Variants in POGZ observed in about 807,000 individuals in gnomAD.
The protein encoded by POGZ is pogo transposable element derived with ZNF domain, also known as pogo transposable element with ZNF domain.
A neutral mutation model predicts 134.6 loss-of-function variants in POGZ; 17 were observed. That is an observed-to-expected ratio of 0.13 (90% CI 0.09 to 0.19). The LOEUF is 0.19. Among genes scored for constraint, POGZ ranks in the 10% least tolerant of loss-of-function variants. The pLI is 1.00. For missense variants in POGZ, 1,306 were observed against 1,769.7 expected (o/e 0.74, Z 4.70); for synonymous variants, 693 against 657.1 (o/e 1.05, Z -0.84).
rs59753677 is a variant in POGZ at position 151,417,688 on chromosome 1, C to CCACACACACA, written c.1679-5302_1679-5293dup. Among the ~76,000 whole-genome samples the CCACACACACA allele has an allele frequency of 8.5e-4, 117 of 137,560 alleles. 1 individual carries two copies. Among genetic ancestry groups the CCACACACACA allele is most frequent in the African/African-American group, 2.5e-3 (92 of 36,602 alleles). The allele number at this position is 137,560 out of a possible 152,430, so 90.2% of individuals were successfully genotyped here. ...TTAGATCTTAACAAAGGTACTGTGG[C>CCACACACACA]CACACACACACACACACACACACAC... On this transcript the variant is annotated intron_variant, in intron 10 of 18. Transcript: ENST00000271715.
intron 3 of POGZ, among the ~76,000 whole-genome samples, chr1:151,436,507 G>C (rs180755496): frequency 2.2e-4 from 33 of 151,770 alleles, no homozygotes; most frequent in Admixed American, 1.9e-3. Context: ...GCAGTGGTGC[G>C]ATCTCAGCTC....
At chr1:151,408,629 C>A (rs1654093105) in intron 13 of POGZ, 48 bp from the exon 14 acceptor site, 1 of 1,604,076 alleles carries the variant, frequency 6.2e-7, no homozygotes, top group African/African-American at 1.3e-5. Flanking sequence ...CACTAAATTT[C>A]AGAATACTGA....
At position 151,427,861 on chromosome 1, in the gene POGZ, C is replaced by A. The variant is rs1238268297; in HGVS notation, c.1040G>T (p.Gly347Val). ...VVVSNNSSAH[G>V]SQRTSGPESS... is the part of the protein sequence containing the mutation. ...CTCAGGTCCGCTGGTTCTTTGAGAG[C>A]CATGAGCAGAGCTGTTGTTGGACAC... The change falls in exon 7 of 19, where the codon GGC (glycine) becomes GTC (valine). Residue 347 changes from glycine (G) to valine (V), a missense_variant. Gly to Val is a moderately radical substitution (Grantham distance 109). Transcript: ENST00000271715. 1.2e-6 allele frequency: 2 copies of A among 1,613,950 alleles called. No homozygotes were observed. The highest frequency in any genetic ancestry group is 1.7e-5 in the Admixed American group (1 of 60,006).
At chr1:151,408,664 G>T in intron 13 of POGZ, 30 bp downstream of exon 13, 1 of 1,610,142 alleles carries the variant, frequency 6.2e-7, no homozygotes, top group Non-Finnish European at 8.5e-7. Context: ...CCCTCCCTGG[G>T]CCTATAAAAG....
intron 1 of POGZ, among the ~76,000 whole-genome samples, chr1:151,453,293 T>C (rs143261270): frequency 6.6e-6 from 1 of 152,074 alleles, no homozygotes; most frequent in South Asian, 2.1e-4. Flanking sequence ...TGGAACTACC[T>C]ACTCATATCT....
chr1:151,419,172 G>A (rs556803499), intron 10 of POGZ, among the ~76,000 whole-genome samples: 5 of 151,876 alleles, frequency 3.3e-5, no homozygotes, highest in South Asian at 2.1e-4. Context: ...TGAACGACAC[G>A]GCGAAACCCC....
rs142133690 is a variant in POGZ, at chr1:151,408,165, G to C, written c.2310C>G (p.Tyr770Ter). ...TATAGCGACACAGAGAGCAGTGTAC[G>C]TAAGTAGGGAAATGATTAGGGAAGT... Reference protein sequence around the residue: ...IPDFPNHFPTYVHCSLCRYST... With the variant: ...IPDFPNHFPT The change falls in exon 15 of 19, where the codon TAC becomes TAG. Residue 770 changes from tyrosine to a stop codon, truncating the protein, a stop_gained. Transcript: ENST00000271715. LOFTEE classifies it high-confidence loss of function. The C allele has an allele frequency of 6.2e-7, 1 of 1,613,334 alleles. No individual in the cohort carries two copies. Among genetic ancestry groups the C allele is most frequent in the Non-Finnish European group, 8.5e-7 (1 of 1,179,470 alleles).
intron 10 of POGZ, among the ~76,000 whole-genome samples, chr1:151,419,175 G>A (rs941138675): frequency 3.3e-5 from 5 of 151,730 alleles, no homozygotes; most frequent in African/African-American, 7.3e-5. Flanking sequence ...ACGACACGGC[G>A]AAACCCCATC....
chr1:151,420,988 C>CATATATATATATATATAT (rs71090165), intron 10 of POGZ, among the ~76,000 whole-genome samples: 1 of 144,926 alleles, frequency 6.9e-6, no homozygotes, highest in African/African-American at 2.5e-5. Flanking sequence ...CGTGTTTTTT[C>CATATATATATATATATAT]ATATATATAT....
intron 3 of POGZ, among the ~76,000 whole-genome samples, chr1:151,437,028 T>C (rs1230452871): frequency 6.6e-6 from 1 of 152,056 alleles, no homozygotes; most frequent in Non-Finnish European, 1.5e-5. Flanking sequence ...ACACTGTCTC[T>C]GCTAAAAATA....
intron 8 of POGZ, chr1:151,424,492 T>C (rs1657446363): frequency 2.3e-6 from 1 of 442,556 alleles, no homozygotes; most frequent in Non-Finnish European, 4.0e-6. Context: ...ACTTTGTATT[T>C]CTCCCTCCTG....
intron 3 of POGZ, among the ~76,000 whole-genome samples, chr1:151,431,947 T>A (rs1314135981): frequency 1.3e-5 from 2 of 151,942 alleles, no homozygotes; most frequent in Non-Finnish European, 2.9e-5. Context: ...GGCAGGCACA[T>A]CACTTGAGGC....
At chr1:151,438,637 G>A (rs1359773341) in intron 3 of POGZ, among the ~76,000 whole-genome samples, 1 of 152,142 alleles carries the variant, frequency 6.6e-6, no homozygotes, top group African/African-American at 2.4e-5. Context: ...CAGCACTTTG[G>A]GAGGCCAAGG....
intron 10 of POGZ, among the ~76,000 whole-genome samples, chr1:151,416,743 C>A (rs1299622918): frequency 1.3e-5 from 2 of 151,248 alleles, no homozygotes; most frequent in African/African-American, 4.9e-5. Context: ...CCCACCTCAG[C>A]CTCTTGAGCA....
intron 17 of POGZ, 102 bp from the exon 18 acceptor site, chr1:151,406,733 C>T (rs1257627410): frequency 2.4e-5 from 27 of 1,102,462 alleles, no homozygotes; most frequent in East Asian, 7.1e-5. Context: ...ATACGCTGTT[C>T]GCAGTGACCA....
chr1:151,411,944 T>A, intron 11 of POGZ, 173 bp from the exon 12 acceptor site: 1 of 583,726 alleles, frequency 1.7e-6, no homozygotes, highest in Non-Finnish European at 3.0e-6. Flanking sequence ...TGTGATAGGT[T>A]TAGCTATTAC....
intron 3 of POGZ, chr1:151,438,919 G>A (rs1660072951): frequency 6.6e-6 from 1 of 152,126 alleles, no homozygotes; most frequent in South Asian, 2.1e-4. Context: ...ATCTCAGTAT[G>A]GGCCTTGGAA....
intron 3 of POGZ, among the ~76,000 whole-genome samples, chr1:151,434,264 G>A (rs1254540650): frequency 6.6e-6 from 1 of 152,164 alleles, no homozygotes; most frequent in Non-Finnish European, 1.5e-5. Context: ...CCAAGATTGT[G>A]CCACTGCACT....
intron 10 of POGZ, among the ~76,000 whole-genome samples, chr1:151,416,792 TA>T (rs1210631248): frequency 2.0e-5 from 3 of 149,574 alleles, no homozygotes; most frequent in South Asian, 2.1e-4. Flanking sequence ...CCTGGCTAAT[TA>T]AAAAAAAATA....
Sources: gnomAD v4.1 joint callset for allele counts (sites outside exome capture counted in the v4.1 genomes callset) on GRCh38, gnomAD v4.1.1 for gene constraint, MANE v1.5 for transcripts, NCBI Gene and HGNC (gene_info 2026-07-23, HGNC 2026-07-21) for gene names.